Variants in HEYL observed in about 807,000 individuals in gnomAD.
HEYL encodes the protein hairy/enhancer-of-split related with YRPW motif-like protein.
Under a neutral mutation model 18.6 loss-of-function variants are expected in HEYL, and 12 were observed. The ratio of observed to expected loss-of-function variants is 0.65; its 90% confidence interval spans 0.41 to 1.05. The LOEUF is 1.05. Ranked by LOEUF, HEYL falls within the 50% of genes least tolerant of loss-of-function variation. The pLI, the probability that HEYL is intolerant of heterozygous loss-of-function variation, is 0.00. For synonymous variants in HEYL, 159 were observed against 179.6 expected (o/e 0.89, Z 0.91); for missense variants, 420 against 444.7 (o/e 0.94, Z 0.50).
At chr1:39,634,423 T>C (rs1646351989) in intron 1 of HEYL, among the ~76,000 whole-genome samples, 1 of 152,188 alleles carries the variant, frequency 6.6e-6, no homozygotes, top group South Asian at 2.1e-4. Flanking sequence ...AAGGCCACCA[T>C]CTTTCAGGTG....
At chr1:39,635,843 C>T (rs1168401234) in intron 1 of HEYL, among the ~76,000 whole-genome samples, 1 of 152,200 alleles carries the variant, frequency 6.6e-6, no homozygotes, top group Non-Finnish European at 1.5e-5. Context: ...TTCCAGCCCG[C>T]GATCTGGCCC....
Position 39,627,010 on chromosome 1 carries a change from G to T in HEYL, c.484C>A (p.Pro162Thr), listed in dbSNP as rs754681050. 11 of 1,614,042 alleles carry T rather than the reference G, an allele frequency of 6.8e-6. No individual in the cohort carries two copies. The highest frequency in any genetic ancestry group is 3.3e-5 in the South Asian group (3 of 91,088). Residue 162 changes from proline to threonine, a missense_variant, in exon 5 of 5, where the codon CCT becomes ACT. Coordinates refer to ENST00000372852, the MANE Select transcript of HEYL (RefSeq NM_014571.4). Reference protein sequence around the residue: ...HLNSYAAEMEPSPTPTGPLAF... With the variant: ...HLNSYAAEMETSPTPTGPLAF... The stretch of plus-strand genomic sequence containing the variant: ...AAAGGGCCAGTGGGCGTGGGCGAAG[G>T]CTCCATCTCGGCTGCGTAGCTGTTG...
At chr1:39,630,380 C>G in intron 3 of HEYL, 72 bp from the exon 4 acceptor site, 2 of 1,236,764 alleles carry the variant, frequency 1.6e-6, no homozygotes, top group Non-Finnish European at 2.4e-6. Context: ...TCAGCACTCA[C>G]TGTCTCGATT....
chr1:39,631,705 T>G, intron 2 of HEYL, 126 bp from the exon 3 acceptor site: 1 of 752,662 alleles, frequency 1.3e-6, no homozygotes, highest in African/African-American at 1.7e-5. Flanking sequence ...AGTCTTACTT[T>G]ATGGTGGAGA....
intron 4 of HEYL, among the ~76,000 whole-genome samples, chr1:39,629,596 G>A (rs1338199834): frequency 3.3e-5 from 5 of 152,228 alleles, no homozygotes; most frequent in Non-Finnish European, 7.3e-5. Context: ...GCCAAGGCCT[G>A]TGGAGCTTTC....
At chr1:39,632,122 G>A (rs1372803534) in intron 2 of HEYL, among the ~76,000 whole-genome samples, 1 of 152,216 alleles carries the variant, frequency 6.6e-6, no homozygotes, top group Non-Finnish European at 1.5e-5. Context: ...GTTTGCCTAA[G>A]GGCTTACAGT....
intron 4 of HEYL, among the ~76,000 whole-genome samples, chr1:39,629,377 T>C (rs1646319574): frequency 6.6e-6 from 1 of 152,222 alleles, no homozygotes; most frequent in African/African-American, 2.4e-5. Flanking sequence ...TGCACCAGGA[T>C]AATTGGGTGG....
intron 1 of HEYL, among the ~76,000 whole-genome samples, chr1:39,636,145 G>A (rs909143362): frequency 6.6e-6 from 1 of 152,178 alleles, no homozygotes; most frequent in African/African-American, 2.4e-5. Context: ...AGGAATCTCA[G>A]AGAGAACTGA....
chr1:39,631,604 C>T, intron 2 of HEYL, 25 bp from the exon 3 acceptor site: 1 of 1,599,690 alleles, frequency 6.3e-7, no homozygotes, highest in Non-Finnish European at 8.6e-7. Flanking sequence ...CAAGAAGTTA[C>T]TCACAGGTGT....
intron 4 of HEYL, among the ~76,000 whole-genome samples, chr1:39,627,493 T>C (rs1646307589): frequency 6.6e-6 from 1 of 152,250 alleles, no homozygotes; most frequent in Non-Finnish European, 1.5e-5. Context: ...GATAACTTCA[T>C]TGAAGTAGAT....
chr1:39,623,796 G>A lies in HEYL; in HGVS notation c.*2711C>T, dbSNP rs1405673071. ...GAACAGCATATGCAAAGTGCTGGAG[G>A]TGGGAACAAGGCTGGAATGTCGAGG... On this transcript the variant is annotated 3_prime_UTR_variant, in exon 5 of 5. Coordinates refer to ENST00000372852, the MANE Select transcript of HEYL (RefSeq NM_014571.4). 6.6e-6 allele frequency among the ~76,000 whole-genome samples: 1 copy of A among 152,180 alleles called. No homozygotes were observed. The highest frequency in any genetic ancestry group is 1.9e-4 in the East Asian group (1 of 5,204).
chr1:39,626,674 G>T lies in HEYL; in HGVS notation c.820C>A (p.Pro274Thr). 6.6e-7 allele frequency: 1 copy of T among 1,517,636 alleles called. No homozygotes were observed. The highest frequency in any genetic ancestry group is 8.8e-7 in the Non-Finnish European group (1 of 1,131,152). The allele number at this position is 1,517,636 out of a possible 1,614,324, so 94.0% of individuals were successfully genotyped here. A position where few individuals can be genotyped will look rare whatever the true frequency, so the allele number is the denominator to read the frequency against. Residue 274 changes from proline (P) to threonine (T), a missense_variant, in exon 5 of 5, where the codon CCC (proline) becomes ACC (threonine). Transcript: ENST00000372852. ...GTTGGGGAGGAAGACTGCAGGAGGG[G>T]AGCGATGTGGCTGCTCCTGGCAGCC... is the stretch of plus-strand genomic sequence containing the variant. Reference protein sequence around the residue: ...SRAARSSHIAPLLQSSSPTPP... With the variant: ...SRAARSSHIATLLQSSSPTPP...
intron 2 of HEYL, 53 bp downstream of exon 2, chr1:39,632,596 G>C: frequency 6.6e-7 from 1 of 1,511,632 alleles, no homozygotes; most frequent in South Asian, 1.2e-5. Flanking sequence ...AGACTGCAGG[G>C]GATTCATGGC....
At position 39,625,633 on chromosome 1, in the gene HEYL, C is replaced by T. The variant is rs1646292257; in HGVS notation, c.*874G>A. The T allele has an allele frequency of 6.6e-6, 1 of 152,442 alleles. No individual in the cohort carries two copies. The highest frequency in any genetic ancestry group is 1.5e-5 in the Non-Finnish European group (1 of 68,206). The allele number at this position is 152,442 out of a possible 1,614,324, so 9.4% of individuals were successfully genotyped here. The stretch of plus-strand genomic sequence containing the variant: ...GCCACGGCCCCTCTGCACTGTGCAC[C>T]CAATGGGGAGGGACCACACGCCTGG... On this transcript the variant is annotated 3_prime_UTR_variant, in exon 5 of 5. Coordinates refer to ENST00000372852, the MANE Select transcript of HEYL (RefSeq NM_014571.4).
intron 3 of HEYL, among the ~76,000 whole-genome samples, chr1:39,630,739 C>T (rs982742346): frequency 2.0e-5 from 3 of 152,358 alleles, no homozygotes; most frequent in African/African-American, 7.2e-5. Context: ...CAACTTCAGA[C>T]TCAATGTGCC....
At position 39,631,566 on chromosome 1, in the gene HEYL, C is replaced by T. The variant is rs775779178; in HGVS notation, c.161G>A (p.Arg54Gln). 14 of 1,613,988 alleles carry T rather than the reference C, an allele frequency of 8.7e-6. No individual in the cohort carries two copies. The highest frequency in any genetic ancestry group is 4.5e-5 in the East Asian group (2 of 44,902). Residue 54 changes from arginine (R) to glutamine (Q), a missense_variant, in exon 3 of 5, where the codon CGG becomes CAG. By Grantham distance (43) the Arg-to-Gln change is conservative. Coordinates refer to ENST00000372852, the MANE Select transcript of HEYL (RefSeq NM_014571.4). The part of the protein sequence containing the change: ...RKKHRGIIEK[R>Q]RRDRINSSLS... Reference sequence around the variant, plus strand: ...GCTACTGTTGATGCGGTCTCGACGCCGTTTCTCTATGATCTAAACAATCAT... The same window carrying T: ...GCTACTGTTGATGCGGTCTCGACGCTGTTTCTCTATGATCTAAACAATCAT...
At chr1:39,630,347 G>C in intron 3 of HEYL, 39 bp from the exon 4 acceptor site, 3 of 1,503,840 alleles carry the variant, frequency 2.0e-6, no homozygotes, top group Non-Finnish European at 2.8e-6. Flanking sequence ...GCCTGCAGCT[G>C]ACCATGTAGC....
At chr1:39,634,076 G>T (rs1646350360) in intron 1 of HEYL, among the ~76,000 whole-genome samples, 1 of 152,084 alleles carries the variant, frequency 6.6e-6, no homozygotes, top group African/African-American at 2.4e-5. Context: ...ACTCCTCAGT[G>T]GCTCCCCAAC....
At chr1:39,632,796 C>A in intron 1 of HEYL, 81 bp from the exon 2 acceptor site, 1 of 1,586,070 alleles carries the variant, frequency 6.3e-7, no homozygotes, top group Non-Finnish European at 8.6e-7. Context: ...CCAGGAGGAG[C>A]CACAGGCTGG....
Sources: gnomAD v4.1 joint callset for allele counts (sites outside exome capture counted in the v4.1 genomes callset) on GRCh38, gnomAD v4.1.1 for gene constraint, MANE v1.5 for transcripts, NCBI Gene and HGNC (gene_info 2026-07-23, HGNC 2026-07-21) for gene names.